The following MAPT variants were observed in gnomAD, a reference collection of about 807,000 sequenced individuals.
MAPT encodes microtubule associated protein tau.
MAPT carries 34 observed loss-of-function variants against 67.9 expected under a neutral mutation model. The ratio of observed to expected loss-of-function variants is 0.50; its 90% CI spans 0.38 to 0.67. MAPT has a LOEUF of 0.67. MAPT is among the 30% of genes least tolerant of loss of function. MAPT has a pLI of 0.00. For missense variants in MAPT, 881 were observed against 1,115.2 expected (o/e 0.79, Z 2.99); for synonymous variants, 456 against 464.5 (o/e 0.98, Z 0.23).
chr17:45,935,980 T>C (rs62061721), intron 1 of MAPT, among the ~76,000 whole-genome samples: 21,823 of 152,274 alleles, frequency 0.14, 2,138 homozygotes, highest in Middle Eastern at 0.22. Flanking sequence ...GGCCTTGGAC[T>C]GTGTGTACCT....
intron 1 of MAPT, among the ~76,000 whole-genome samples, chr17:45,928,254 T>A (rs1431957502): frequency 6.6e-6 from 1 of 152,184 alleles, no homozygotes; most frequent in East Asian, 1.9e-4. Context: ...TGAAAACTCT[T>A]TACAGTTTTC....
chr17:45,919,496 C>T (rs929631602), intron 1 of MAPT, among the ~76,000 whole-genome samples: 1 of 152,224 alleles, frequency 6.6e-6, no homozygotes, highest in Non-Finnish European at 1.5e-5. Flanking sequence ...AGATGGTGAG[C>T]TCACACCCAG....
chr17:45,913,901 C>G (rs2064977073), intron 1 of MAPT, among the ~76,000 whole-genome samples: 1 of 152,094 alleles, frequency 6.6e-6, no homozygotes, highest in Admixed American at 6.6e-5. Flanking sequence ...CACCCTTGGG[C>G]TTTCATGATG....
chr17:45,982,991 G>A lies in MAPT; in HGVS notation c.412G>A (p.Glu138Lys), dbSNP rs1449580375. The A allele has an allele frequency of 6.9e-7, 1 of 1,442,340 alleles. No homozygotes were observed. Among genetic ancestry groups the A allele is most frequent in the Non-Finnish European group, 9.1e-7 (1 of 1,100,036 alleles). 89.3% of individuals were successfully genotyped at this position (1,442,340 alleles called of 1,614,324 possible). Residue 138 changes from glutamate (E) to lysine (K), a missense_variant, in exon 5 of 13, where the codon GAG becomes AAG. Glu to Lys is a moderately conservative substitution (Grantham distance 56). Coordinates refer to ENST00000262410, the MANE Select transcript of MAPT (RefSeq NM_001377265.1). ...TGGGGTCTCTGGGCCGTGCCTCGGG[G>A]AGAAAGAGCCAGAAGCTCCCGTCCC... ...ASGVSGPCLG[E>K]KEPEAPVPLT...
At chr17:45,972,458 C>G (rs972900749) in intron 3 of MAPT, among the ~76,000 whole-genome samples, 1 of 152,196 alleles carries the variant, frequency 6.6e-6, no homozygotes, top group Non-Finnish European at 1.5e-5. Flanking sequence ...GTTATTAGCA[C>G]CTCGCATACT....
chr17:46,000,744 TG>T, intron 9 of MAPT, among the ~76,000 whole-genome samples: 1 of 152,280 alleles, frequency 6.6e-6, no homozygotes, highest in South Asian at 2.1e-4. Context: ...CCTGATCCAG[TG>T]GCTCATTTTC....
intron 2 of MAPT, among the ~76,000 whole-genome samples, chr17:45,970,481 G>A (rs1427783737): frequency 6.6e-6 from 1 of 152,244 alleles, no homozygotes; most frequent in Non-Finnish European, 1.5e-5. Context: ...CAGCCCAGGT[G>A]GGGCAGAACT....
chr17:45,940,287 C>T (rs2067738224), intron 1 of MAPT, among the ~76,000 whole-genome samples: 1 of 152,204 alleles, frequency 6.6e-6, no homozygotes, highest in South Asian at 2.1e-4. Flanking sequence ...GCTTTGTCTA[C>T]AGCCATTCCA....
At chr17:45,949,046 T>A (rs1477581864) in intron 1 of MAPT, among the ~76,000 whole-genome samples, 1 of 152,266 alleles carries the variant, frequency 6.6e-6, no homozygotes, top group Non-Finnish European at 1.5e-5. Context: ...TAAAAGTCAC[T>A]CTTTTAAAAT....
At chr17:46,023,076 G>T (rs796702011) in intron 12 of MAPT, among the ~76,000 whole-genome samples, 14 of 152,188 alleles carry the variant, frequency 9.2e-5, no homozygotes, top group Non-Finnish European at 1.8e-4. Context: ...GGAATGTGTG[G>T]CTCATGTCTG....
chr17:45,904,162 A>ATATATATTTATATATATAATATATTG (rs2064025150), intron 1 of MAPT, among the ~76,000 whole-genome samples: 3 of 29,938 alleles, frequency 1.0e-4, no homozygotes, highest in Non-Finnish European at 1.3e-4. Flanking sequence ...GTTATATATT[A>ATATATATTTATATATATAATATATTG]TATATATTTA....
At chr17:45,943,367 T>TTA (rs2068165921) in intron 1 of MAPT, among the ~76,000 whole-genome samples, 1 of 152,136 alleles carries the variant, frequency 6.6e-6, no homozygotes, top group African/African-American at 2.4e-5. Context: ...GTGGCACTTC[T>TTA]TACGTGTGTT....
At chr17:45,998,063 C>G (rs867018770) in intron 9 of MAPT, among the ~76,000 whole-genome samples, 3 of 152,322 alleles carry the variant, frequency 2.0e-5, no homozygotes, top group Middle Eastern at 3.4e-3. Context: ...CTTCTGGGCA[C>G]TGGGCCTCGG....
intron 1 of MAPT, among the ~76,000 whole-genome samples, chr17:45,936,813 T>C (rs1015943117): frequency 3.3e-5 from 5 of 152,166 alleles, no homozygotes; most frequent in Non-Finnish European, 7.3e-5. Flanking sequence ...TCCAAAGCCT[T>C]CTTCTGTTTC....
chr17:45,929,191 A>G (rs1381162684), intron 1 of MAPT, among the ~76,000 whole-genome samples: 1 of 152,224 alleles, frequency 6.6e-6, no homozygotes, highest in South Asian at 2.1e-4. Context: ...TGTTAATTTC[A>G]TATTTCATGA....
Position 46,024,191 on chromosome 17 carries a change from A to C in MAPT, c.*20A>C. ...TTGTGATCAGGCCCCTGGGGCGGTC[A>C]ATAATTGTGGAGAGGAGAGAATGAG... is the stretch of plus-strand genomic sequence containing the variant. On this transcript the variant is annotated 3_prime_UTR_variant, in exon 13 of 13. Transcript: ENST00000262410. 1 of 1,605,988 alleles carries C rather than the reference A, an allele frequency of 6.2e-7. No homozygotes were observed. Among genetic ancestry groups the C allele is most frequent in the Non-Finnish European group, 8.5e-7 (1 of 1,172,872 alleles).
At chr17:45,962,235 C>A in intron 1 of MAPT, 86 bp from the exon 2 acceptor site, 2 of 1,138,210 alleles carry the variant, frequency 1.8e-6, no homozygotes, top group Non-Finnish European at 2.6e-6. Flanking sequence ...CTGCCATGAA[C>A]TGGGAGGAGA....
chr17:45,974,662 C>G, intron 3 of MAPT: 1 of 597,780 alleles, frequency 1.7e-6, no homozygotes, highest in East Asian at 2.8e-5. Flanking sequence ...TCCCTGGCTG[C>G]CTGCCAGCCT....
intron 1 of MAPT, among the ~76,000 whole-genome samples, chr17:45,938,001 A>G (rs1278546175): frequency 6.6e-6 from 1 of 152,218 alleles, no homozygotes; most frequent in Non-Finnish European, 1.5e-5. Context: ...GCGGCCACAC[A>G]GCAGGTGCGC....
Sources: gnomAD v4.1 joint callset for allele counts (sites outside exome capture counted in the v4.1 genomes callset) on GRCh38, gnomAD v4.1.1 for gene constraint, MANE v1.5 for transcripts, NCBI Gene and HGNC (gene_info 2026-07-23, HGNC 2026-07-21) for gene names.